ATP13A4: variants seen among roughly 807,000 people sequenced by gnomAD.
ATP13A4 encodes probable cation-transporting ATPase 13A4.
Under a neutral mutation model 142.5 loss-of-function variants are expected in ATP13A4, and 114 were observed. That is an observed-to-expected ratio of 0.80 (90% CI 0.69 to 0.93). The LOEUF (loss-of-function observed/expected upper bound fraction) is 0.93, where lower values mean the gene tolerates loss of function less well. Among genes scored for constraint, ATP13A4 ranks in the 40% least tolerant of loss-of-function variants. ATP13A4 has a pLI of 0.00. For synonymous variants in ATP13A4, 488 were observed against 514.8 expected (o/e 0.95, Z 0.70); for missense variants, 1,392 against 1,454.0 (o/e 0.96, Z 0.69).
chr3:193,433,920 G>A lies in ATP13A4; in HGVS notation c.2770-3C>T. ...TAATTTGAAAGGCTGTTTGTCTCCT[G>A]AAAATAAAAAGAAAGCAGATCAAAA... On this transcript the variant is annotated splice_polypyrimidine_tract_variant and splice_region_variant and intron_variant, in intron 24 of 29. Transcript: ENST00000342695. The A allele has an allele frequency of 6.2e-7, 1 of 1,612,374 alleles. No individual in the cohort carries two copies. Among genetic ancestry groups the A allele is most frequent in the Admixed American group, 1.7e-5 (1 of 60,026 alleles).
intron 1 of ATP13A4, among the ~76,000 whole-genome samples, chr3:193,551,613 G>T (rs1176469340): frequency 1.3e-5 from 2 of 152,178 alleles, no homozygotes; most frequent in African/African-American, 4.8e-5. Context: ...TATCTCCACT[G>T]ATCTTCATGA....
chr3:193,441,242 A>G lies in ATP13A4; in HGVS notation c.2439+224T>C, dbSNP rs540645333. On this transcript the variant is annotated intron_variant, in intron 20 of 29. Transcript: ENST00000342695. The stretch of plus-strand genomic sequence containing the variant: ...AATTCAAGAAATCACTGATACTTCA[A>G]TCCTATAGATGGTGGAAAATTGACT... 2.0e-5 allele frequency among the ~76,000 whole-genome samples: 3 copies of G among 152,310 alleles called. No homozygotes were observed. The South Asian group carries it at 6.2e-4, about 32-fold the overall frequency.
chr3:193,438,967 G>A, intron 22 of ATP13A4, 56 bp downstream of exon 22: 1 of 1,523,034 alleles, frequency 6.6e-7, no homozygotes, highest in East Asian at 2.3e-5. Flanking sequence ...CTACTCTAAA[G>A]GGCTTAAGTG....
At chr3:193,455,213 A>T (rs796579911) in intron 16 of ATP13A4, among the ~76,000 whole-genome samples, 1 of 151,822 alleles carries the variant, frequency 6.6e-6, no homozygotes, top group African/African-American at 2.4e-5. Flanking sequence ...AGGTGGCGGG[A>T]GCCCGTAGTC....
chr3:193,453,723 C>T lies in ATP13A4; in HGVS notation c.2027+378G>A, dbSNP rs533976327. On this transcript the variant is annotated intron_variant, in intron 17 of 29. Coordinates refer to ENST00000342695, the MANE Select transcript of ATP13A4 (RefSeq NM_032279.4). ...GGTAAATGTTATGTTTCATAATTCC[C>T]AACCAATCCACCAACTATAATTTTT... Among the ~76,000 whole-genome samples, 20 of 151,890 alleles carry T rather than the reference C, an allele frequency of 1.3e-4. 1 individual carries two copies. In the South Asian group the frequency reaches 4.2e-3, roughly 32 times the overall value.
At chr3:193,531,323 G>GGA (rs1560262288) in intron 1 of ATP13A4, among the ~76,000 whole-genome samples, 3 of 126,194 alleles carry the variant, frequency 2.4e-5, no homozygotes, top group African/African-American at 8.7e-5. Context: ...AGGAAGGAAG[G>GGA]AAGGAAGGAA....
In ATP13A4 at chr3:193,552,093, C is replaced by A. The variant is rs971848186; in HGVS notation, c.60+2647G>T. On this transcript the variant is annotated intron_variant, in intron 1 of 29. Coordinates refer to ENST00000342695, the MANE Select transcript of ATP13A4 (RefSeq NM_032279.4). ...GGTTCACGCCATACTCCTGCCTCAG[C>A]CTCCCAAGTAGCTGGGACTACAGGT... Among the ~76,000 whole-genome samples, 3 of 152,188 alleles carry A rather than the reference C, an allele frequency of 2.0e-5. No homozygotes were observed. In the South Asian group the frequency reaches 6.2e-4, roughly 31 times the overall value.
intron 25 of ATP13A4, among the ~76,000 whole-genome samples, chr3:193,432,893 T>C (rs547198899): frequency 6.6e-6 from 1 of 152,198 alleles, no homozygotes; most frequent in East Asian, 1.9e-4. Flanking sequence ...TAATGATGGA[T>C]ACATGTCATT....
chr3:193,498,148 T>C (rs1164082358), intron 3 of ATP13A4, among the ~76,000 whole-genome samples: 1 of 152,100 alleles, frequency 6.6e-6, no homozygotes, highest in South Asian at 2.1e-4. Context: ...TTATACATAA[T>C]GTATACATGT....
intron 2 of ATP13A4, among the ~76,000 whole-genome samples, chr3:193,573,402 C>T (rs1026364814): frequency 6.7e-6 from 1 of 149,694 alleles, no homozygotes; most frequent in African/African-American, 2.5e-5. Flanking sequence ...TCAGCCTTAT[C>T]TCAGCCCTTC....
intron 2 of ATP13A4, among the ~76,000 whole-genome samples, chr3:193,561,953 G>A (rs1048219334): frequency 9.9e-5 from 15 of 152,146 alleles, no homozygotes; most frequent in African/African-American, 3.6e-4. Flanking sequence ...CTCCCTCCGC[G>A]GGAAATGGAG....
At position 193,554,857 on chromosome 3, in the gene ATP13A4, A is replaced by T; in HGVS notation, c.-58T>A. 6.2e-7 allele frequency: 1 copy of T among 1,613,074 alleles called. No homozygotes were observed. Among genetic ancestry groups the T allele is most frequent in the Non-Finnish European group, 8.5e-7 (1 of 1,179,920 alleles). On this transcript the variant is annotated 5_prime_UTR_variant, in exon 1 of 30. Transcript: ENST00000342695. ...TGTCGTGCAGACGCTTCCAGGATGA[A>T]CTCCAACTCGCCGAGCCACCGCAGC...
chr3:193,514,749 A>G lies in ATP13A4; in HGVS notation c.183T>C (p.His61=), dbSNP rs1721318421. The G allele has an allele frequency of 1.2e-6, 2 of 1,614,086 alleles. No homozygotes were observed. The highest frequency in any genetic ancestry group is 2.2e-5 in the East Asian group (1 of 44,884). ...YWRPAWHVWA[H]CVPCSLQEAD... is the part of the protein sequence containing the mutation. ...CTTCTTGCAAGGAACATGGGACACA[A>G]TGTGCCCATACGTGCCATGCTGGTC... The change falls in exon 2 of 30, where the codon CAT becomes CAC. Residue 61 remains histidine, a synonymous_variant. Coordinates refer to ENST00000342695, the MANE Select transcript of ATP13A4 (RefSeq NM_032279.4).
intron 28 of ATP13A4, among the ~76,000 whole-genome samples, chr3:193,408,776 T>C (rs919793209): frequency 6.6e-5 from 10 of 152,102 alleles, no homozygotes; most frequent in Non-Finnish European, 1.2e-4. Context: ...GCTACACATC[T>C]AGCCCTCCTT....
upstream of ATP13A4, chr3:193,555,110 G>T (rs979096463): frequency 6.6e-6 from 3 of 456,186 alleles, no homozygotes; most frequent in Non-Finnish European, 1.2e-5. Context: ...TACAGGGAAA[G>T]AACTCATTGC....
At chr3:193,446,860 A>G (rs774732780) in intron 18 of ATP13A4, among the ~76,000 whole-genome samples, 2 of 152,228 alleles carry the variant, frequency 1.3e-5, no homozygotes, top group Non-Finnish European at 2.9e-5. Flanking sequence ...GTCATGAGCA[A>G]TATCAGAAGC....
intron 2 of ATP13A4, among the ~76,000 whole-genome samples, chr3:193,507,330 T>A (rs1047857046): frequency 3.9e-5 from 6 of 152,178 alleles, no homozygotes; most frequent in Admixed American, 3.9e-4. Context: ...TTTACAGCTA[T>A]CATTTTTTTT....
At chr3:193,410,130 C>A (rs192198023) in intron 28 of ATP13A4, among the ~76,000 whole-genome samples, 270 of 152,208 alleles carry the variant, frequency 1.8e-3, no homozygotes, top group African/African-American at 6.2e-3. Context: ...GATATGTAAA[C>A]TTTTGGTATC....
intron 1 of ATP13A4, among the ~76,000 whole-genome samples, chr3:193,515,161 T>G (rs879233336): frequency 6.6e-6 from 1 of 152,188 alleles, no homozygotes; most frequent in Non-Finnish European, 1.5e-5. Flanking sequence ...TGTGCTGTCT[T>G]GTTTAACTCT....
Sources: allele counts gnomAD v4.1 joint callset (sites outside exome capture counted in the v4.1 genomes callset), GRCh38; gene constraint gnomAD v4.1.1; transcripts MANE v1.5; gene names NCBI Gene and HGNC (gene_info 2026-07-23, HGNC 2026-07-21).